Variants in ZNF423 observed in about 807,000 individuals in gnomAD.
ZNF423 encodes Ebf-associated zinc finger protein.
A neutral mutation model predicts 95.8 loss-of-function variants in ZNF423; 12 were observed. That is an observed-to-expected ratio of 0.13 (90% CI 0.08 to 0.20). ZNF423 has a LOEUF of 0.20. ZNF423 is among the 10% of genes least tolerant of loss of function. The pLI, the probability that ZNF423 is intolerant of heterozygous loss-of-function variation, is 1.00. For synonymous variants in ZNF423, 749 were observed against 711.9 expected (o/e 1.05, Z -0.83); for missense variants, 1,316 against 1,737.1 (o/e 0.76, Z 4.31).
intron 3 of ZNF423, among the ~76,000 whole-genome samples, chr16:49,674,350 C>T (rs942165864): frequency 3.7e-4 from 56 of 152,268 alleles, no homozygotes; most frequent in Non-Finnish European, 2.2e-4. Flanking sequence ...GTGCAGAGCA[C>T]GCAGTGTGTT....
At position 49,797,067 on chromosome 16, in the gene ZNF423, G is replaced by A. The variant is rs535318431; in HGVS notation, c.41-7521C>T. Reference sequence around the variant, plus strand: ...GAGGTGGTGGCCAGGCAAGGGGCACGTGACTGCCCCTCCTTAGCTCAACCT... The same window carrying A: ...GAGGTGGTGGCCAGGCAAGGGGCACATGACTGCCCCTCCTTAGCTCAACCT... On this transcript the variant is annotated intron_variant, in intron 1 of 7. Transcript: ENST00000563137. 1.2e-3 allele frequency among the ~76,000 whole-genome samples: 177 copies of A among 152,174 alleles called. 1 individual carries two copies. Among genetic ancestry groups the A allele is most frequent in the African/African-American group, 4.0e-3 (166 of 41,536 alleles).
intron 3 of ZNF423, among the ~76,000 whole-genome samples, chr16:49,719,667 C>T (rs1305331332): frequency 1.3e-5 from 2 of 152,170 alleles, no homozygotes; most frequent in Non-Finnish European, 2.9e-5. Context: ...CTCACCCTAT[C>T]TCTCCTGATT....
intron 3 of ZNF423, among the ~76,000 whole-genome samples, chr16:49,680,505 G>A (rs553899063): frequency 2.0e-5 from 3 of 152,354 alleles, no homozygotes; most frequent in East Asian, 3.9e-4. Context: ...GCCCTTCGGT[G>A]AGCCCAGACC....
At chr16:49,541,414 T>C (rs1853567037) in intron 5 of ZNF423, among the ~76,000 whole-genome samples, 1 of 152,166 alleles carries the variant, frequency 6.6e-6, no homozygotes. Context: ...GTAAACACAA[T>C]GCTATTTTGG....
intron 5 of ZNF423, among the ~76,000 whole-genome samples, chr16:49,561,400 C>T: frequency 6.6e-6 from 1 of 152,144 alleles, no homozygotes; most frequent in Non-Finnish European, 1.5e-5. Flanking sequence ...GATATATACA[C>T]ATATATATTA....
intron 7 of ZNF423, among the ~76,000 whole-genome samples, chr16:49,506,835 GC>G (rs1967666051): frequency 1.3e-5 from 2 of 151,496 alleles, no homozygotes; most frequent in Non-Finnish European, 2.9e-5. Flanking sequence ...GAGGATGGAT[GC>G]ATGGATGGAT....
chr16:49,843,721 TTTC>T (rs1464929419), intron 1 of ZNF423, among the ~76,000 whole-genome samples: 2 of 152,068 alleles, frequency 1.3e-5, no homozygotes, highest in Non-Finnish European at 2.9e-5. Flanking sequence ...GAATGGGGTC[TTTC>T]TTTTCTATTC....
intron 3 of ZNF423, among the ~76,000 whole-genome samples, chr16:49,686,045 A>G (rs958208171): frequency 1.3e-5 from 2 of 152,056 alleles, no homozygotes; most frequent in Admixed American, 1.3e-4. Flanking sequence ...CTTCTCTCTC[A>G]TGCCCCATGC....
chr16:49,508,414 G>A (rs1967743181), intron 7 of ZNF423, among the ~76,000 whole-genome samples: 1 of 151,064 alleles, frequency 6.6e-6, no homozygotes, highest in Non-Finnish European at 1.5e-5. Context: ...CAGCTACTCA[G>A]GAGGCTGAGG....
At chr16:49,602,736 C>T (rs537713299) in intron 5 of ZNF423, among the ~76,000 whole-genome samples, 6 of 152,232 alleles carry the variant, frequency 3.9e-5, no homozygotes, top group Admixed American at 1.3e-4. Context: ...CAGAGAAAAC[C>T]GGCTCTTGTT....
rs1454219017 is a variant in ZNF423 at position 49,793,373 on chromosome 16, CA to C, written c.41-3828del. 2.0e-5 allele frequency among the ~76,000 whole-genome samples: 3 copies of C among 152,340 alleles called. No homozygotes were observed. The East Asian group carries it at 5.8e-4, about 29-fold the overall frequency. ...AGTTCTGCTGCCGAGCCCCACTGCA[CA>C]CTGAAGACTCGCAGCTCAGAGAAAC... On this transcript the variant is annotated intron_variant, in intron 1 of 7. Transcript: ENST00000563137.
chr16:49,509,794 G>A (rs1967807201), intron 7 of ZNF423, among the ~76,000 whole-genome samples: 1 of 152,152 alleles, frequency 6.6e-6, no homozygotes, highest in Non-Finnish European at 1.5e-5. Flanking sequence ...CCTGCCCTTG[G>A]TGTTAGGACA....
At chr16:49,566,805 G>C (rs1372910840) in intron 5 of ZNF423, among the ~76,000 whole-genome samples, 2 of 152,168 alleles carry the variant, frequency 1.3e-5, no homozygotes, top group Non-Finnish European at 2.9e-5. Flanking sequence ...CTTCACCCCA[G>C]AAGTTAGAGA....
intron 3 of ZNF423, among the ~76,000 whole-genome samples, chr16:49,664,506 C>G (rs2151918209): frequency 6.6e-6 from 1 of 152,306 alleles, no homozygotes; most frequent in South Asian, 2.1e-4. Context: ...CTCTGAGATT[C>G]TACAGAGATG....
Position 49,680,861 on chromosome 16 carries a change from T to C in ZNF423, c.302-41987A>G, listed in dbSNP as rs58902912. 7.3e-3 allele frequency among the ~76,000 whole-genome samples: 1,116 copies of C among 152,226 alleles called. 19 individuals are homozygous for C. The highest frequency in any genetic ancestry group is 0.026 in the African/African-American group (1,064 of 41,532). ...GAACGAGCCCAGCAGGCATGAGCAA[T>C]ATAGTCAGGCAGAAGGCACTGCTGG... On this transcript the variant is annotated intron_variant, in intron 3 of 7. Coordinates refer to ENST00000563137, the MANE Select transcript of ZNF423 (RefSeq NM_001379286.1).
chr16:49,546,635 C>T (rs1042726868), intron 5 of ZNF423, among the ~76,000 whole-genome samples: 6 of 152,204 alleles, frequency 3.9e-5, no homozygotes, highest in African/African-American at 1.2e-4. Context: ...ATAGTGAGCG[C>T]GCACAGCAGC....
chr16:49,533,104 C>CGGCCTCTGCGATCT, intron 5 of ZNF423, among the ~76,000 whole-genome samples: 1 of 152,330 alleles, frequency 6.6e-6, no homozygotes, highest in African/African-American at 2.4e-5. Context: ...CACCAAGGGA[C>CGGCCTCTGCGATCT]GGCCTCTGCG....
chr16:49,734,700 C>T (rs1211048243), intron 2 of ZNF423, among the ~76,000 whole-genome samples: 2 of 152,222 alleles, frequency 1.3e-5, no homozygotes, highest in Non-Finnish European at 2.9e-5. Context: ...GAAACCGAAC[C>T]AGTGCTGTGA....
intron 1 of ZNF423, among the ~76,000 whole-genome samples, chr16:49,795,032 C>T (rs890818042): frequency 2.0e-5 from 3 of 152,078 alleles, no homozygotes; most frequent in Admixed American, 6.5e-5. Flanking sequence ...TCACCATGCC[C>T]GGCTAAATTT....
Sources: allele counts gnomAD v4.1 joint callset (sites outside exome capture counted in the v4.1 genomes callset), GRCh38; gene constraint gnomAD v4.1.1; transcripts MANE v1.5; gene names NCBI Gene and HGNC (gene_info 2026-07-23, HGNC 2026-07-21).